The following COG6 variants were observed in gnomAD, a reference collection of about 807,000 sequenced individuals.
The protein encoded by COG6 is conserved oligomeric Golgi complex subunit 6.
A neutral mutation model predicts 88.8 loss-of-function variants in COG6; 74 were observed. That is an observed-to-expected ratio of 0.83 (90% confidence interval 0.69 to 1.01). The LOEUF (loss-of-function observed/expected upper bound fraction) is 1.01, where lower values mean the gene tolerates loss of function less well. Ranked by LOEUF, COG6 falls within the 50% of genes least tolerant of loss-of-function variation. COG6 has a pLI of 0.00. For missense variants in COG6, 800 were observed against 797.9 expected (o/e 1.00, Z -0.03); for synonymous variants, 286 against 278.7 (o/e 1.03, Z -0.26).
intron 4 of COG6, among the ~76,000 whole-genome samples, chr13:39,675,952 G>T (rs999565489): frequency 2.6e-5 from 4 of 151,952 alleles, no homozygotes; most frequent in Non-Finnish European, 5.9e-5. Context: ...GACATATAAT[G>T]ATTATATATA....
intron 11 of COG6, among the ~76,000 whole-genome samples, chr13:39,690,311 A>C (rs1370250279): frequency 2.0e-5 from 3 of 152,018 alleles, no homozygotes; most frequent in African/African-American, 4.8e-5. Context: ...TTTGAGTTAG[A>C]ATTCCCATAT....
intron 9 of COG6, 35 bp downstream of exon 9, chr13:39,687,666 T>C (rs912946075): frequency 6.2e-7 from 1 of 1,613,934 alleles, no homozygotes; most frequent in African/African-American, 1.3e-5. Context: ...GGAGTTGATG[T>C]TTTTCCAAAG....
intron 16 of COG6, 111 bp from the exon 17 acceptor site, chr13:39,724,397 A>T (rs546232363): frequency 4.0e-5 from 31 of 774,038 alleles, no homozygotes; most frequent in African/African-American, 3.2e-4. Flanking sequence ...AAGCTAAATG[A>T]TTTTCCAAAT....
At chr13:39,752,676 G>T (rs1191345580), downstream of COG6, 3 of 1,185,302 alleles carry the variant, frequency 2.5e-6, no homozygotes, top group African/African-American at 4.8e-5. Context: ...ATATCCTATT[G>T]ATGTGTTTTT....
intron 18 of COG6, among the ~76,000 whole-genome samples, chr13:39,770,722 C>A (rs1881296529): frequency 6.6e-6 from 1 of 152,184 alleles, no homozygotes; most frequent in South Asian, 2.1e-4. Flanking sequence ...AGTTCACTGT[C>A]AAATTTGCTT....
chr13:39,751,341 C>G lies in COG6; in HGVS notation c.*248C>G. On this transcript the variant is annotated 3_prime_UTR_variant, in exon 19 of 19. Coordinates refer to ENST00000455146, the MANE Select transcript of COG6 (RefSeq NM_020751.3). ...TCTATTTTTTTGCTAGCCATCTCTC[C>G]AGCTCTGCAGTTTTCACTGTATTCA... 6.9e-7 allele frequency: 1 copy of G among 1,446,064 alleles called. No individual in the cohort carries two copies. Among genetic ancestry groups the G allele is most frequent in the South Asian group, 1.2e-5 (1 of 82,164 alleles). 89.6% of individuals were successfully genotyped at this position (1,446,064 alleles called of 1,614,324 possible). A position where few individuals can be genotyped will look rare whatever the true frequency, so the allele number is the denominator to read the frequency against.
intron 18 of COG6, among the ~76,000 whole-genome samples, chr13:39,744,206 C>G (rs1438848523): frequency 5.3e-5 from 8 of 152,132 alleles, no homozygotes; most frequent in Admixed American, 5.2e-4. Flanking sequence ...GACAGGGATG[C>G]CCTCTCTCAC....
At chr13:39,726,751 C>T (rs1879155141) in intron 17 of COG6, among the ~76,000 whole-genome samples, 1 of 151,880 alleles carries the variant, frequency 6.6e-6, no homozygotes, top group Non-Finnish European at 1.5e-5. Flanking sequence ...TGTTTTCCTT[C>T]CCACCTCAAG....
intron 12 of COG6, among the ~76,000 whole-genome samples, chr13:39,695,024 T>G (rs953124827): frequency 1.3e-5 from 2 of 150,662 alleles, no homozygotes; most frequent in African/African-American, 4.9e-5. Flanking sequence ...ATAATGTAAG[T>G]CTTTATTGAG....
chr13:39,791,604 A>G (rs1322707819), exon 19 of COG6: 3 of 152,096 alleles, frequency 2.0e-5, no homozygotes, highest in African/African-American at 4.8e-5. Flanking sequence ...TACAGAACAT[A>G]TACAAAACTG....
intron 13 of COG6, among the ~76,000 whole-genome samples, chr13:39,710,685 T>C (rs35294221): frequency 0.067 from 10,133 of 152,260 alleles, 406 homozygotes; most frequent in Non-Finnish European, 0.095. Context: ...ATCTGATTAA[T>C]TGGATATCAT....
chr13:39,696,176 A>G (rs201564149), intron 12 of COG6, among the ~76,000 whole-genome samples: 1 of 101,030 alleles, frequency 9.9e-6, no homozygotes, highest in Non-Finnish European at 2.2e-5. Context: ...TATTGATTGC[A>G]TGTACTTTGT....
intron 17 of COG6, among the ~76,000 whole-genome samples, chr13:39,726,917 T>G (rs185904086): frequency 6.6e-6 from 1 of 152,154 alleles, no homozygotes; most frequent in East Asian, 1.9e-4. Flanking sequence ...TATAGTACCT[T>G]GTTTTATTCC....
chr13:39,679,174 G>A (rs567469453), intron 5 of COG6, among the ~76,000 whole-genome samples: 1 of 152,258 alleles, frequency 6.6e-6, no homozygotes, highest in East Asian at 1.9e-4. Flanking sequence ...CCAGGCTTAA[G>A]TAATAAGGTG....
At chr13:39,690,880 T>G (rs1241541098) in intron 11 of COG6, among the ~76,000 whole-genome samples, 1 of 151,932 alleles carries the variant, frequency 6.6e-6, no homozygotes, top group Non-Finnish European at 1.5e-5. Flanking sequence ...TGTAGACATA[T>G]ATAACTTATA....
At chr13:39,718,021 C>T (rs1324502883) in intron 13 of COG6, among the ~76,000 whole-genome samples, 1 of 152,110 alleles carries the variant, frequency 6.6e-6, no homozygotes, top group Non-Finnish European at 1.5e-5. Context: ...GTTCTTCAGA[C>T]ATGATTTTCT....
intron 18 of COG6, among the ~76,000 whole-genome samples, chr13:39,778,304 CT>C (rs755210168): frequency 9.9e-5 from 15 of 152,184 alleles, no homozygotes; most frequent in Admixed American, 5.2e-4. Flanking sequence ...AAGGTAGTGT[CT>C]GCCTAGAGCC....
chr13:39,738,296 G>A (rs1487378973), intron 18 of COG6, among the ~76,000 whole-genome samples: 1 of 152,146 alleles, frequency 6.6e-6, no homozygotes, highest in Non-Finnish European at 1.5e-5. Context: ...GATGCAGTGG[G>A]AGGGAAGTGG....
At chr13:39,718,680 T>G (rs940040454) in intron 13 of COG6, among the ~76,000 whole-genome samples, 1 of 152,122 alleles carries the variant, frequency 6.6e-6, no homozygotes, top group Non-Finnish European at 1.5e-5. Context: ...GAGCCCAATA[T>G]ATTAATGGTA....
Sources: gnomAD v4.1 joint callset for allele counts (sites outside exome capture counted in the v4.1 genomes callset) on GRCh38, gnomAD v4.1.1 for gene constraint, MANE v1.5 for transcripts, NCBI Gene and HGNC (gene_info 2026-07-23, HGNC 2026-07-21) for gene names.